The following PUM3 variants were observed in gnomAD, a reference collection of about 807,000 sequenced individuals.
The protein encoded by PUM3 is pumilio RNA binding family member 3.
In PUM3, 91 loss-of-function variants were observed where a neutral mutation model predicts 84.0. The ratio of observed to expected loss-of-function variants is 1.08; its 90% CI spans 0.91 to 1.29. The LOEUF (loss-of-function observed/expected upper bound fraction) is 1.29, where lower values mean the gene tolerates loss of function less well. Among genes scored for constraint, PUM3 ranks in the 50% most tolerant of loss-of-function variants. PUM3 has a pLI of 0.00. For missense variants in PUM3, 1,067 were observed against 767.5 expected, an observed-to-expected ratio of 1.39 and a Z score of -4.61; for synonymous variants, 321 against 266.7, an observed-to-expected ratio of 1.20 and a Z score of -1.98.
intron 12 of PUM3, among the ~76,000 whole-genome samples, chr9:2,821,315 G>A (rs1370778339): frequency 1.3e-5 from 2 of 151,628 alleles, no homozygotes; most frequent in Admixed American, 6.6e-5. Flanking sequence ...ATGGTGGTGG[G>A]CGCCTGTAGT....
At chr9:2,814,036 G>C (rs1373234825) in intron 13 of PUM3, among the ~76,000 whole-genome samples, 1 of 152,198 alleles carries the variant, frequency 6.6e-6, no homozygotes, top group African/African-American at 2.4e-5. Context: ...AAAGTTTTCA[G>C]AGAGCTGAAA....
chr9:2,812,443 G>T, intron 13 of PUM3, 81 bp from the exon 14 acceptor site: 2 of 957,220 alleles, frequency 2.1e-6, no homozygotes, highest in East Asian at 2.6e-5. Flanking sequence ...TTCCATATTT[G>T]CCATTTACTA....
chr9:2,830,979 C>A lies in PUM3; in HGVS notation c.660G>T (p.Lys220Asn). 6.7e-7 allele frequency: 1 copy of A among 1,486,926 alleles called. No homozygotes were observed. 92.1% of individuals were successfully genotyped at this position (1,486,926 alleles called of 1,614,324 possible). A position where few individuals can be genotyped will look rare whatever the true frequency, so the allele number is the denominator to read the frequency against. The change falls in exon 7 of 18, where the codon AAG becomes AAT. Residue 220 changes from lysine to asparagine, a missense_variant. Coordinates refer to ENST00000397885, the MANE Select transcript of PUM3 (RefSeq NM_014878.5). The stretch of plus-strand genomic sequence containing the variant: ...CAACTTACCCATACATGAGAAATTT[C>A]TTAACAATATTTCTCGAATATTTGG... The part of the protein sequence containing the change: ...SKAKYSRNIV[K>N]KFLMYGSKPQ...
intron 7 of PUM3, among the ~76,000 whole-genome samples, chr9:2,830,660 AC>A (rs1815951236): frequency 6.6e-6 from 1 of 152,168 alleles, no homozygotes; most frequent in Non-Finnish European, 1.5e-5. Flanking sequence ...TGTCTTTAAA[AC>A]TTTTGAATGC....
intron 17 of PUM3, among the ~76,000 whole-genome samples, chr9:2,806,811 C>G (rs928486102): frequency 1.3e-5 from 2 of 152,100 alleles, no homozygotes; most frequent in African/African-American, 4.8e-5. Flanking sequence ...CTCTTCCAAT[C>G]CTTTTACAAT....
chr9:2,829,083 CAT>C (rs1259493863), intron 8 of PUM3, among the ~76,000 whole-genome samples: 1 of 152,188 alleles, frequency 6.6e-6, no homozygotes, highest in African/African-American at 2.4e-5. Context: ...TTCTTGCCAC[CAT>C]ATGTTTTATA....
At chr9:2,806,068 A>C (rs1252135615) in intron 17 of PUM3, among the ~76,000 whole-genome samples, 1 of 152,226 alleles carries the variant, frequency 6.6e-6, no homozygotes, top group Non-Finnish European at 1.5e-5. Context: ...AATTCTGAGT[A>C]GTGCTCCATA....
At chr9:2,835,506 T>A (rs1816099646) in intron 3 of PUM3, among the ~76,000 whole-genome samples, 1 of 152,220 alleles carries the variant, frequency 6.6e-6, no homozygotes, top group Non-Finnish European at 1.5e-5. Context: ...ACATAATTTT[T>A]AATGGCTATC....
Position 2,804,371 on chromosome 9 carries a change from C to A in PUM3, c.1907G>T (p.Ser636Ile), listed in dbSNP as rs1207967060. 1.2e-6 allele frequency: 2 copies of A among 1,613,842 alleles called. No individual in the cohort carries two copies. Among genetic ancestry groups the A allele is most frequent in the Admixed American group, 1.7e-5 (1 of 59,974 alleles). ...TTCAAGTAGAATTTCTATTCCTTTG[C>A]TGGTGCTTTTGGTTTTTTCCAATGT... ...IPTLEKTKSTSKGIEILLEKL... is the reference protein window; with the variant it reads ...IPTLEKTKSTIKGIEILLEKL... The change falls in exon 18 of 18, where the codon AGC becomes ATC. Residue 636 changes from serine (S) to isoleucine (I), a missense_variant. Physicochemically the swap from Ser to Ile is moderately radical, Grantham distance 142. Transcript: ENST00000397885.
intron 3 of PUM3, among the ~76,000 whole-genome samples, chr9:2,835,012 G>GT: frequency 1.3e-5 from 1 of 76,662 alleles, no homozygotes; most frequent in Non-Finnish European, 3.0e-5. Flanking sequence ...TGGGAAAAAT[G>GT]CAAAAAAAAA....
intron 1 of PUM3, among the ~76,000 whole-genome samples, chr9:2,842,004 T>C (rs533980055): frequency 1.3e-5 from 2 of 152,182 alleles, no homozygotes; most frequent in African/African-American, 4.8e-5. Context: ...ATTCAACTCC[T>C]TCCCTCTTTC....
Position 2,828,759 on chromosome 9 carries a change from A to C in PUM3, c.872T>G (p.Leu291Arg). ...TGGCTGTACCTCTAACACTTTGTCC[A>C]GAGTTCGGTGATCTGCTGACTGCAA... ...QLYKSADHRT[L>R]DKVLEVQPEK... The change falls in exon 9 of 18, where the codon CTG (leucine) becomes CGG (arginine). Residue 291 changes from leucine (L) to arginine (R), a missense_variant. Leu to Arg is a moderately radical substitution (Grantham distance 102). Transcript: ENST00000397885. 1 of 1,599,074 alleles carries C rather than the reference A, an allele frequency of 6.3e-7. No individual in the cohort carries two copies. Among genetic ancestry groups the C allele is most frequent in the South Asian group, 1.1e-5 (1 of 90,626 alleles).
At chr9:2,824,055 G>C (rs1815741436) in intron 11 of PUM3, among the ~76,000 whole-genome samples, 1 of 152,002 alleles carries the variant, frequency 6.6e-6, no homozygotes, top group African/African-American at 2.4e-5. Context: ...TAGGGTTAGG[G>C]TTAGGGTTAG....
chr9:2,810,349 C>G lies in PUM3; in HGVS notation c.1718G>C (p.Arg573Thr). 6.3e-7 allele frequency: 1 copy of G among 1,594,354 alleles called. No individual in the cohort carries two copies. Among genetic ancestry groups the G allele is most frequent in the Non-Finnish European group, 8.6e-7 (1 of 1,162,908 alleles). Residue 573 changes from arginine (R) to threonine (T), a missense_variant, in exon 16 of 18, where the codon AGA becomes ACA. Transcript: ENST00000397885. The stretch of plus-strand genomic sequence containing the variant: ...GGTCAAATTTCATAGCCTACCTTCT[C>G]TCCCATTTTCTTTCATCTTTTTATC... Reference protein sequence around the residue: ...EQDKKMKENGREGCFAKTLVE... With the variant: ...EQDKKMKENGTEGCFAKTLVE...
intron 12 of PUM3, among the ~76,000 whole-genome samples, chr9:2,820,988 A>G (rs192626869): frequency 8.5e-4 from 129 of 152,314 alleles, no homozygotes; most frequent in African/African-American, 2.9e-3. Context: ...TAGGAATTTG[A>G]TTTTTGATAA....
rs983741471 is a variant in PUM3 at position 2,816,274 on chromosome 9, A to C, written c.1269+3744T>G. On this transcript the variant is annotated intron_variant, in intron 13 of 17. Transcript: ENST00000397885. ...TAACTAATGGATAACAGAAATATAG[A>C]GGGCAGGTTAGATCATCAGGCAGCT... Among the ~76,000 whole-genome samples the C allele has an allele frequency of 2.6e-4, 39 of 152,280 alleles. 1 individual carries two copies. Among genetic ancestry groups the C allele is most frequent in the African/African-American group, 9.1e-4 (38 of 41,560 alleles).
In PUM3 at chr9:2,811,446, G is replaced by T. The variant is rs1821369601; in HGVS notation, c.1550C>A (p.Ser517Tyr). 6.2e-7 allele frequency: 1 copy of T among 1,614,152 alleles called. No individual in the cohort carries two copies. Among genetic ancestry groups the T allele is most frequent in the East Asian group, 2.2e-5 (1 of 44,866 alleles). The part of the protein sequence containing the change: ...ACVLVSDILG[S>Y]ATGDVQPTMN... ...GGTAGGCTGAACGTCTCCAGTGGCA[G>T]ATCCCAGAATGTCAGACACCAACAC... The change falls in exon 15 of 18, where the codon TCT becomes TAT. Residue 517 changes from serine (S) to tyrosine (Y), a missense_variant. Ser to Tyr is a moderately radical substitution (Grantham distance 144, BLOSUM62 -2). Coordinates refer to ENST00000397885, the MANE Select transcript of PUM3 (RefSeq NM_014878.5).
At position 2,804,457 on chromosome 9, in the gene PUM3, G is replaced by A. The variant is rs185710507; in HGVS notation, c.1821C>T (p.Leu607=). Residue 607 remains leucine, a synonymous_variant, in exon 18 of 18, where the codon CTC becomes CTT. Transcript: ENST00000397885. ...TTGCAACTTCCAGGTCACAACTCTG[G>A]AGGAGGCTGAAGAGAGGAAAAAAAT... ...NRGAIILSSL[L]QSCDLEVANK... 210 of 1,613,210 alleles carry A rather than the reference G, an allele frequency of 1.3e-4. 2 individuals are homozygous for A. In the Admixed American group the frequency reaches 2.5e-3, roughly 19 times the overall value.
intron 14 of PUM3, 121 bp from the exon 15 acceptor site, chr9:2,811,704 T>C (rs1586717705): frequency 1.6e-5 from 11 of 670,104 alleles, no homozygotes; most frequent in Non-Finnish European, 2.8e-5. Flanking sequence ...TATTATTGTC[T>C]ATCTTTCTGT....
Sources: allele counts gnomAD v4.1 joint callset (sites outside exome capture counted in the v4.1 genomes callset), GRCh38; gene constraint gnomAD v4.1.1; transcripts MANE v1.5; gene names NCBI Gene and HGNC (gene_info 2026-07-23, HGNC 2026-07-21).